Variants in OCA2 observed in about 807,000 individuals in gnomAD.
OCA2 encodes OCA2 melanosomal transmembrane protein.
A neutral mutation model predicts 100.2 loss-of-function variants in OCA2; 77 were observed. The observed-to-expected ratio is 0.77, with a 90% CI of 0.64 to 0.93. The LOEUF (loss-of-function observed/expected upper bound fraction) is 0.93. Among genes scored for constraint, OCA2 ranks in the 40% least tolerant of loss-of-function variants. OCA2 has a pLI of 0.00. For missense variants in OCA2, 1,062 were observed against 1,089.1 expected (o/e 0.98, Z 0.35); for synonymous variants, 432 against 439.2 (o/e 0.98, Z 0.21).
At chr15:28,061,275 G>A (rs566586197) in intron 2 of OCA2, among the ~76,000 whole-genome samples, 32 of 152,164 alleles carry the variant, frequency 2.1e-4, no homozygotes, top group Non-Finnish European at 3.8e-4. Flanking sequence ...CAAAGGCAGG[G>A]AGACTTAATG....
intron 9 of OCA2, among the ~76,000 whole-genome samples, chr15:27,992,799 T>C (rs920386977): frequency 6.6e-6 from 1 of 152,154 alleles, no homozygotes; most frequent in African/African-American, 2.4e-5. Flanking sequence ...GGGCTAACTT[T>C]GTCTGGACGG....
At chr15:27,756,152 G>A (rs1013131012) in intron 23 of OCA2, among the ~76,000 whole-genome samples, 1 of 152,244 alleles carries the variant, frequency 6.6e-6, no homozygotes, top group Admixed American at 6.5e-5. Flanking sequence ...ACTTGGCATG[G>A]GTAATGCACG....
At chr15:27,772,855 G>A (rs1008796380) in intron 23 of OCA2, among the ~76,000 whole-genome samples, 7 of 129,680 alleles carry the variant, frequency 5.4e-5, no homozygotes, top group Non-Finnish European at 6.6e-5. Context: ...AAAAAAAAAA[G>A]GAAAAAAAGA....
intron 18 of OCA2, among the ~76,000 whole-genome samples, chr15:27,935,742 C>A (rs1184569782): frequency 6.6e-6 from 1 of 152,218 alleles, no homozygotes; most frequent in East Asian, 1.9e-4. Context: ...TATTTCAAAT[C>A]TCTTGTCACA....
At chr15:27,720,484 T>C in the OCA2 span, among the ~76,000 whole-genome samples, 2 of 150,756 alleles carry the variant, frequency 1.3e-5, no homozygotes, top group Non-Finnish European at 3.0e-5. Context: ...TATATGTTTA[T>C]GTATAGATTC....
At chr15:27,828,639 C>T (rs1442804654) in intron 23 of OCA2, among the ~76,000 whole-genome samples, 1 of 152,142 alleles carries the variant, frequency 6.6e-6, no homozygotes. Flanking sequence ...ACAGGTTTTT[C>T]AAGCTGACCC....
intron 21 of OCA2, among the ~76,000 whole-genome samples, 197 bp downstream of exon 21, chr15:27,870,957 C>A (rs2036543935): frequency 6.6e-6 from 1 of 152,010 alleles, no homozygotes; most frequent in African/African-American, 2.4e-5. Context: ...AGCTGCAGAG[C>A]CTCGGCTCCC....
intron 23 of OCA2, among the ~76,000 whole-genome samples, chr15:27,818,172 C>T (rs2034374674): frequency 6.6e-6 from 1 of 152,092 alleles, no homozygotes; most frequent in African/African-American, 2.4e-5. Context: ...GGTAGATCAC[C>T]TGAGGTCAGG....
intron 21 of OCA2, among the ~76,000 whole-genome samples, chr15:27,856,063 C>T (rs535223773): frequency 3.9e-5 from 6 of 152,282 alleles, no homozygotes; most frequent in East Asian, 3.9e-4. Flanking sequence ...CCTTGCCCCA[C>T]TGGTGTCTGC....
intron 23 of OCA2, among the ~76,000 whole-genome samples, chr15:27,763,994 G>A (rs2031051589): frequency 6.6e-6 from 1 of 152,126 alleles, no homozygotes; most frequent in African/African-American, 2.4e-5. Flanking sequence ...CAGCCACTGA[G>A]GGGTGGGGGT....
At chr15:28,016,687 G>A (rs996737773) in intron 7 of OCA2, among the ~76,000 whole-genome samples, 3 of 152,064 alleles carry the variant, frequency 2.0e-5, no homozygotes, top group Admixed American at 6.6e-5. Flanking sequence ...GGGCTGAGGC[G>A]GGAGGATCCT....
chr15:27,931,754 G>A (rs1022713498), intron 18 of OCA2, among the ~76,000 whole-genome samples: 1 of 152,200 alleles, frequency 6.6e-6, no homozygotes, highest in Non-Finnish European at 1.5e-5. Flanking sequence ...GGAAAACAAT[G>A]ACAGTTATTG....
chr15:28,088,960 G>C (rs1337532999), intron 1 of OCA2, among the ~76,000 whole-genome samples: 3 of 152,174 alleles, frequency 2.0e-5, no homozygotes. Flanking sequence ...CACTACGGGA[G>C]ACCAGGGCTT....
At chr15:28,014,639 C>G in intron 9 of OCA2, 137 bp downstream of exon 9, 6 of 951,396 alleles carry the variant, frequency 6.3e-6, no homozygotes, top group Non-Finnish European at 9.6e-6. Flanking sequence ...GAGAGGGACA[C>G]GCTAATCTTT....
At chr15:27,825,983 C>T (rs936205167) in intron 23 of OCA2, among the ~76,000 whole-genome samples, 44 of 152,194 alleles carry the variant, frequency 2.9e-4, no homozygotes, top group African/African-American at 1.1e-3. Flanking sequence ...CTTCTCAATT[C>T]CAGACTATTG....
At chr15:27,751,383 T>C (rs1318987480), downstream of OCA2, among the ~76,000 whole-genome samples, 1 of 152,126 alleles carries the variant, frequency 6.6e-6, no homozygotes, top group African/African-American at 2.4e-5. Flanking sequence ...CACACCAAGA[T>C]GGTAACACAA....
chr15:28,038,161 G>T (rs1329183775), intron 2 of OCA2, among the ~76,000 whole-genome samples: 1 of 152,078 alleles, frequency 6.6e-6, no homozygotes, highest in East Asian at 1.9e-4. Context: ...ACTGACCCAA[G>T]CTGCCTTTCC....
At chr15:28,015,050 A>C in intron 8 of OCA2, 121 bp from the exon 9 acceptor site, 409 of 1,045,472 alleles carry the variant, frequency 3.9e-4, no homozygotes, top group Non-Finnish European at 5.3e-4. Context: ...GCCCAATCTC[A>C]CAGCTGGAAG....
chr15:28,082,298 A>C (rs889003134), intron 1 of OCA2, among the ~76,000 whole-genome samples: 1 of 152,172 alleles, frequency 6.6e-6, no homozygotes, highest in East Asian at 1.9e-4. Flanking sequence ...CTACCCCAAC[A>C]CGCTGGACTC....
Sources: gnomAD v4.1 joint callset for allele counts (sites outside exome capture counted in the v4.1 genomes callset) on GRCh38, gnomAD v4.1.1 for gene constraint, MANE v1.5 for transcripts, NCBI Gene and HGNC (gene_info 2026-07-23, HGNC 2026-07-21) for gene names.